Variants in ZNF16 observed in about 807,000 individuals in gnomAD.
ZNF16 encodes the protein zinc finger protein KOX9.
A neutral mutation model predicts 9.0 loss-of-function variants in ZNF16; 7 were observed. That is an observed-to-expected ratio of 0.78 (90% CI 0.44 to 1.47). ZNF16 has a LOEUF of 1.47. Ranked by LOEUF, ZNF16 falls within the 40% of genes most tolerant of loss-of-function variation. The pLI, the probability that ZNF16 is intolerant of heterozygous loss-of-function variation, is 0.01. For synonymous variants in ZNF16, 312 were observed against 301.5 expected (o/e 1.03, Z -0.36); for missense variants, 830 against 854.2 (o/e 0.97, Z 0.35).
chr8:144,935,067 G>A (rs1053970453), intron 2 of ZNF16, among the ~76,000 whole-genome samples: 14 of 152,136 alleles, frequency 9.2e-5, no homozygotes, highest in Admixed American at 2.0e-4. Context: ...AATTCTGTAC[G>A]TGAGAAGGGT....
intron 2 of ZNF16, among the ~76,000 whole-genome samples, chr8:144,943,475 G>A (rs560603895): frequency 9.9e-5 from 15 of 151,596 alleles, no homozygotes; most frequent in South Asian, 4.2e-4. Context: ...TACTATGCAC[G>A]TTGGTCTACT....
In ZNF16 at chr8:144,933,492, A is replaced by T. The variant is rs1218598880; in HGVS notation, c.197-902T>A. ...CTCCCCTTTTCACACCTGCAGAACA[A>T]AGAAACCCTCATGTCCCTGTGTCCC... On this transcript the variant is annotated intron_variant, in intron 2 of 2. Transcript: ENST00000394909. The surrounding 1 kb of genome is among the most constrained non-coding windows in gnomAD (Gnocchi z 5.6). Among the ~76,000 whole-genome samples the T allele has an allele frequency of 6.6e-6, 1 of 152,136 alleles. No individual in the cohort carries two copies. The highest frequency in any genetic ancestry group is 2.4e-5 in the African/African-American group (1 of 41,408).
At chr8:144,939,293 A>G (rs1289794173) in intron 2 of ZNF16, among the ~76,000 whole-genome samples, 3 of 152,108 alleles carry the variant, frequency 2.0e-5, no homozygotes. Context: ...TTTGGTATTA[A>G]TTCATTAAAT....
rs761755904 is a variant in ZNF16, at chr8:144,931,485, C to CT, written c.1301dup (p.Cys435ValfsTer3). The CT allele has an allele frequency of 1.4e-5, 22 of 1,612,772 alleles. No individual in the cohort carries two copies. In the East Asian group the frequency reaches 2.2e-4, roughly 16 times the overall value. On this transcript the variant is annotated frameshift_variant, in exon 3 of 3. Transcript: ENST00000394909. LOFTEE classifies it low-confidence loss of function (END_TRUNC). ...TAAATGCTTTCCCACAGTCACTGCACTTATAGGGCTTCTCTCCAGTGTGAA... is the reference window on the plus strand; with the variant it reads ...TAAATGCTTTCCCACAGTCACTGCACTTTATAGGGCTTCTCTCCAGTGTGAA...
rs116596476 is a variant in ZNF16, at chr8:144,938,279, C to T, written c.197-5689G>A. The stretch of plus-strand genomic sequence containing the variant: ...TGTAACTTCATATGAATTTGAGGAT[C>T]GTCTTTTGTTTCTGCAAAAAATGGC... On this transcript the variant is annotated intron_variant, in intron 2 of 2. Transcript: ENST00000394909. Among the ~76,000 whole-genome samples the T allele has an allele frequency of 4.8e-3, 729 of 152,280 alleles. 7 individuals are homozygous for T. The highest frequency in any genetic ancestry group is 0.017 in the African/African-American group (698 of 41,556).
chr8:144,942,882 A>G (rs1038681624), intron 2 of ZNF16, among the ~76,000 whole-genome samples: 1 of 152,246 alleles, frequency 6.6e-6, no homozygotes, highest in Non-Finnish European at 1.5e-5. Flanking sequence ...GTACTTAGAA[A>G]CCAAAATATA....
In ZNF16 at chr8:144,932,338, TCCCCTAAGGGG is replaced by T. The variant is rs757384752; in HGVS notation, c.438_448del (p.Pro147GlufsTer6). 6.8e-6 allele frequency: 11 copies of T among 1,614,070 alleles called. No homozygotes were observed. Among genetic ancestry groups the T allele is most frequent in the South Asian group, 1.1e-5 (1 of 91,086 alleles). On this transcript the variant is annotated frameshift_variant, in exon 3 of 3. Transcript: ENST00000394909. LOFTEE classifies it low-confidence loss of function (END_TRUNC). The surrounding 1 kb of genome is among the most constrained non-coding windows in gnomAD (Gnocchi z 5.0). ...AAAACCATTACAGTCCAGATCTTTC[TCCCCTAAGGGG>T]CCCCTAAGGAGCCCCATGGCAGCTG...
At position 144,931,009 on chromosome 8, in the gene ZNF16, T is replaced by C. The variant is rs774080334; in HGVS notation, c.1778A>G (p.Lys593Arg). ...GTAGGGTTTTTCCCCAGTATGAACT[T>C]TCTGGTGGTGAATGAGATTTGAGCT... Reference protein sequence around the residue: ...NRSSNLIHHQKVHTGEKPYTC... With the variant: ...NRSSNLIHHQRVHTGEKPYTC... The change falls in exon 3 of 3, where the codon AAA (lysine) becomes AGA (arginine). Residue 593 changes from lysine (K) to arginine (R), a missense_variant. Lys to Arg is a conservative substitution (Grantham distance 26, BLOSUM62 2). Transcript: ENST00000394909. 2 of 1,614,104 alleles carry C rather than the reference T, an allele frequency of 1.2e-6. No homozygotes were observed. Among genetic ancestry groups the C allele is most frequent in the Non-Finnish European group, 1.7e-6 (2 of 1,180,016 alleles).
chr8:144,932,600 T>C lies in ZNF16; in HGVS notation c.197-10A>G. On this transcript the variant is annotated splice_polypyrimidine_tract_variant and intron_variant, in intron 2 of 2. Coordinates refer to ENST00000394909, the MANE Select transcript of ZNF16 (RefSeq NM_006958.3). This position sits in a 1 kb window ranked among gnomAD's most constrained non-coding sequence, Gnocchi z 5.0. ...GTCCTGGTGTCACAATCTGAAACAA[T>C]AAATAGAATATCACTTGGAAGGCAG... The C allele has an allele frequency of 6.2e-7, 1 of 1,606,644 alleles. No individual in the cohort carries two copies. The highest frequency in any genetic ancestry group is 8.5e-7 in the Non-Finnish European group (1 of 1,176,526).
chr8:144,946,957 C>G (rs71515636), intron 1 of ZNF16, among the ~76,000 whole-genome samples: 390 of 76,280 alleles, frequency 5.1e-3, no homozygotes, highest in Middle Eastern at 0.039. Context: ...CTGCTGTGGG[C>G]CTGTGTCCTG....
chr8:144,931,190 T>C lies in ZNF16; in HGVS notation c.1597A>G (p.Ile533Val). The C allele has an allele frequency of 6.2e-7, 1 of 1,613,996 alleles. No individual in the cohort carries two copies. Among genetic ancestry groups the C allele is most frequent in the Non-Finnish European group, 8.5e-7 (1 of 1,179,972 alleles). The change falls in exon 3 of 3, where the codon ATC (isoleucine) becomes GTC (valine). Residue 533 changes from isoleucine to valine, a missense_variant. Ile to Val is a conservative substitution (Grantham distance 29, BLOSUM62 3). Coordinates refer to ENST00000394909, the MANE Select transcript of ZNF16 (RefSeq NM_006958.3). ...CCAGTGTGGACTCGCTGGTGAAGGA[T>C]GAGGTTGGAGCTGCGACCAAAGGTC... ...GKTFGRSSNLILHQRVHTGEK... is the reference protein window; with the variant it reads ...GKTFGRSSNLVLHQRVHTGEK...
intron 2 of ZNF16, 167 bp downstream of exon 2, chr8:144,945,844 C>T: frequency 7.4e-7 from 1 of 1,342,646 alleles, no homozygotes; most frequent in Non-Finnish European, 9.8e-7. Context: ...AGGGGCCAGG[C>T]TAGGTTAACT....
rs780635329 is a variant in ZNF16, at chr8:144,946,135, G to T, written c.72C>A (p.Thr24=). The T allele has an allele frequency of 1.3e-6, 2 of 1,593,096 alleles. No individual in the cohort carries two copies. The highest frequency in any genetic ancestry group is 1.7e-4 in the Middle Eastern group (1 of 5,936). The change falls in exon 2 of 3, where the codon ACC becomes ACA. Residue 24 remains threonine, a synonymous_variant. Transcript: ENST00000394909. ...ELSVPGPSPW[T]PAAQARVRDA... The stretch of plus-strand genomic sequence containing the variant: ...CTCTCACACGGGCCTGGGCTGCAGG[G>T]GTCCAGGGGGATGGTCCTGGAACTG...
Position 144,947,211 on chromosome 8 carries a change from CTTGTGTCCTGCTGTTGGGCTTGTGTCCTG to C in ZNF16, c.-9-1025_-9-997del, listed in dbSNP as rs1563926371. Among the ~76,000 whole-genome samples the C allele has an allele frequency of 1.6e-3, 218 of 136,850 alleles. 13 individuals are homozygous for C. The highest frequency in any genetic ancestry group is 4.5e-3 in the African/African-American group (152 of 33,446). 89.8% of individuals were successfully genotyped at this position (136,850 alleles called of 152,430 possible). ...TGTGGGCCTGTGTCCTGCTGTTGGGCTTGTGTCCTGCTGTTGGGCTTGTGTCCTGCTGTGGGGCCTGTGTCCTGCTGTGG... is the reference window on the plus strand; with the variant it reads ...TGTGGGCCTGTGTCCTGCTGTTGGGCCTGTGGGGCCTGTGTCCTGCTGTGG... On this transcript the variant is annotated intron_variant, in intron 1 of 2. Transcript: ENST00000394909.
intron 2 of ZNF16, among the ~76,000 whole-genome samples, chr8:144,942,626 T>A (rs1459602141): frequency 6.6e-6 from 1 of 152,196 alleles, no homozygotes; most frequent in Non-Finnish European, 1.5e-5. Context: ...CCATGATGAT[T>A]GCAATGAACG....
chr8:144,941,514 C>T (rs1833795951), intron 2 of ZNF16, among the ~76,000 whole-genome samples: 2 of 152,174 alleles, frequency 1.3e-5, no homozygotes, highest in Admixed American at 6.5e-5. Context: ...GGAGACTTCA[C>T]ATGTAATTAC....
chr8:144,946,277 C>A (rs1380996275), intron 1 of ZNF16, 62 bp from the exon 2 acceptor site: 2 of 1,384,338 alleles, frequency 1.4e-6, no homozygotes, highest in Non-Finnish European at 9.4e-7. Context: ...ATTCATCCTC[C>A]CATCAGGCCG....
chr8:144,931,003 T>G lies in ZNF16; in HGVS notation c.1784A>C (p.His595Pro). The change falls in exon 3 of 3, where the codon CAT (histidine) becomes CCT (proline). Residue 595 changes from histidine to proline, a missense_variant. Physicochemically the swap from His to Pro is moderately conservative, Grantham distance 77. Transcript: ENST00000394909. The stretch of plus-strand genomic sequence containing the variant: ...ACAGGTGTAGGGTTTTTCCCCAGTA[T>G]GAACTTTCTGGTGGTGAATGAGATT... ...SSNLIHHQKV[H>P]TGEKPYTCVE... The G allele has an allele frequency of 2.5e-6, 4 of 1,614,248 alleles. No homozygotes were observed. Among genetic ancestry groups the G allele is most frequent in the Non-Finnish European group, 2.5e-6 (3 of 1,180,044 alleles).
At position 144,931,138 on chromosome 8, in the gene ZNF16, C is replaced by T; in HGVS notation, c.1649G>A (p.Cys550Tyr). Residue 550 changes from cysteine (C) to tyrosine (Y), a missense_variant, in exon 3 of 3, where the codon TGT (cysteine) becomes TAT (tyrosine). Cys to Tyr is a radical substitution (Grantham distance 194, BLOSUM62 -2). Transcript: ENST00000394909. ...TGEKPYECTE[C>Y]GKTFSQSSTL... ...TGAGCTCTGGCTGAAGGTTTTTCCA[C>T]ATTCAGTACATTCATAGGGCTTCTC... 1 of 1,614,256 alleles carries T rather than the reference C, an allele frequency of 6.2e-7. No homozygotes were observed. Among genetic ancestry groups the T allele is most frequent in the Non-Finnish European group, 8.5e-7 (1 of 1,180,044 alleles).
Sources: gnomAD v4.1 joint callset for allele counts (sites outside exome capture counted in the v4.1 genomes callset) on GRCh38, gnomAD v4.1.1 for gene constraint, Gnocchi (gnomAD v3.1) non-coding constraint, MANE v1.5 for transcripts, NCBI Gene and HGNC (gene_info 2026-07-23, HGNC 2026-07-21) for gene names.